The following AVL9 variants were observed in gnomAD, a reference collection of about 807,000 sequenced individuals.
AVL9 encodes late secretory pathway protein AVL9 homolog.
Under a neutral mutation model 79.2 loss-of-function variants are expected in AVL9, and 49 were observed. That is an observed-to-expected ratio of 0.62 (90% CI 0.49 to 0.79). The LOEUF (loss-of-function observed/expected upper bound fraction) is 0.79, where lower values mean the gene tolerates loss of function less well. Ranked by LOEUF, AVL9 falls within the 30% of genes least tolerant of loss-of-function variation. The pLI is 0.00. For missense variants in AVL9, 682 were observed against 776.8 expected (o/e 0.88, Z 1.45); for synonymous variants, 299 against 280.6 (o/e 1.07, Z -0.65).
intron 3 of AVL9, among the ~76,000 whole-genome samples, chr7:32,545,364 CTTTTTTTTTTTT>C (rs10610945): frequency 1.4e-5 from 1 of 73,352 alleles, no homozygotes; most frequent in Non-Finnish European, 2.4e-5. Context: ...TCTAAGATTT[CTTTTTTTTTTTT>C]TTTTTTTTTT....
chr7:32,551,643 A>G lies in AVL9; in HGVS notation c.462+220A>G, dbSNP rs189332520. Among the ~76,000 whole-genome samples, 249 of 117,352 alleles carry G rather than the reference A, an allele frequency of 2.1e-3. 1 individual carries two copies. The highest frequency in any genetic ancestry group is 7.0e-3 in the African/African-American group (240 of 34,140). 77.0% of individuals were successfully genotyped at this position (117,352 alleles called of 152,430 possible). ...TTTTTTTAGGAAATAATGACTACAA[A>G]TAACTATAACTAACAGTAATGTTTC... On this transcript the variant is annotated intron_variant, in intron 5 of 15. Transcript: ENST00000318709.
Position 32,587,628 on chromosome 7 carries a change from T to C in AVL9, c.*3721T>C, listed in dbSNP as rs911596532. The C allele has an allele frequency of 3.3e-5, 5 of 152,176 alleles. No individual in the cohort carries two copies. The highest frequency in any genetic ancestry group is 1.2e-4 in the African/African-American group (5 of 41,440). 9.4% of individuals were successfully genotyped at this position (152,176 alleles called of 1,614,324 possible). On this transcript the variant is annotated 3_prime_UTR_variant, in exon 16 of 16. Coordinates refer to ENST00000318709, the MANE Select transcript of AVL9 (RefSeq NM_015060.3). ...ACTCTTCATGGCATCAACACTTGCATGCTCTGAATCTTTGATCAGAGATGA... is the reference window on the plus strand; with the variant it reads ...ACTCTTCATGGCATCAACACTTGCACGCTCTGAATCTTTGATCAGAGATGA...
chr7:32,518,333 G>A (rs1233983388), intron 1 of AVL9, among the ~76,000 whole-genome samples: 1 of 152,040 alleles, frequency 6.6e-6, no homozygotes, highest in African/African-American at 2.4e-5. Flanking sequence ...ATAGGTAAAC[G>A]ATTAAAATAA....
rs1483354811 is a variant in AVL9, at chr7:32,579,619, T to TA, written c.1689-599dup. Among the ~76,000 whole-genome samples, 2 of 82,150 alleles carry TA rather than the reference T, an allele frequency of 2.4e-5. 1 individual carries two copies. The highest frequency in any genetic ancestry group is 1.0e-4 in the African/African-American group (2 of 19,824). The allele number at this position is 82,150 out of a possible 152,430, so 53.9% of individuals were successfully genotyped here. A position where few individuals can be genotyped will look rare whatever the true frequency, so the allele number is the denominator to read the frequency against. Reference sequence around the variant, plus strand: ...ATTATATATTATATTATATATTATATATATATAATACACTTTTTTCTTTTA... The same window carrying TA: ...ATTATATATTATATTATATATTATATAATATATAATACACTTTTTTCTTTTA... On this transcript the variant is annotated intron_variant, in intron 13 of 15. Coordinates refer to ENST00000318709, the MANE Select transcript of AVL9 (RefSeq NM_015060.3).
chr7:32,584,091 ATGGC>A lies in AVL9; in HGVS notation c.*186_*189del. The A allele has an allele frequency of 1.5e-6, 1 of 649,870 alleles. No individual in the cohort carries two copies. 40.3% of individuals were successfully genotyped at this position (649,870 alleles called of 1,614,324 possible). A position where few individuals can be genotyped will look rare whatever the true frequency, so the allele number is the denominator to read the frequency against. ...TGATGAAATCACAGCCATAGCAGGG[ATGGC>A]TTTCCAGGTTGGGGTTTCAATTGAC... On this transcript the variant is annotated 3_prime_UTR_variant, in exon 16 of 16. Transcript: ENST00000318709.
intron 7 of AVL9, 36 bp from the exon 8 acceptor site, chr7:32,554,522 C>G (rs1435136435): frequency 5.4e-5 from 75 of 1,380,340 alleles, no homozygotes; most frequent in Non-Finnish European, 7.1e-5. Context: ...GCGTGAGTCT[C>G]TCATTTCAAT....
At chr7:32,509,179 C>G (rs1787542191) in intron 1 of AVL9, among the ~76,000 whole-genome samples, 1 of 152,162 alleles carries the variant, frequency 6.6e-6, no homozygotes, top group Non-Finnish European at 1.5e-5. Context: ...CAACCCTCAG[C>G]TTTGATGAGA....
chr7:32,506,217 A>T (rs1787407326), intron 1 of AVL9, among the ~76,000 whole-genome samples: 1 of 152,162 alleles, frequency 6.6e-6, no homozygotes, highest in Admixed American at 6.5e-5. Flanking sequence ...CTTTTTAAAC[A>T]AATTTTTTTA....
chr7:32,526,087 C>A (rs1788388665), intron 1 of AVL9, among the ~76,000 whole-genome samples: 1 of 152,150 alleles, frequency 6.6e-6, no homozygotes, highest in Admixed American at 6.5e-5. Context: ...CAGGCTTCTC[C>A]CCTCTGCAAA....
intron 10 of AVL9, among the ~76,000 whole-genome samples, chr7:32,568,249 G>A (rs751437860): frequency 6.7e-6 from 1 of 149,982 alleles, no homozygotes; most frequent in East Asian, 2.0e-4. Context: ...CGCCCAGGCT[G>A]GAGTACGATG....
chr7:32,566,653 C>T (rs1790588957), intron 10 of AVL9, among the ~76,000 whole-genome samples: 1 of 151,912 alleles, frequency 6.6e-6, no homozygotes, highest in Non-Finnish European at 1.5e-5. Context: ...CCGAGGCGGG[C>T]AGATCACGAG....
chr7:32,544,850 T>C, intron 3 of AVL9, 71 bp downstream of exon 3: 1 of 1,097,102 alleles, frequency 9.1e-7, no homozygotes, highest in Non-Finnish European at 1.3e-6. Flanking sequence ...ACACAGTCTT[T>C]ATTTTTCAGT....
chr7:32,558,871 T>G, intron 9 of AVL9, 58 bp from the exon 10 acceptor site: 1 of 1,419,736 alleles, frequency 7.0e-7, no homozygotes, highest in Non-Finnish European at 9.5e-7. Context: ...AATATATAGC[T>G]CTCAGGTTCT....
intron 1 of AVL9, among the ~76,000 whole-genome samples, chr7:32,504,312 A>G (rs1471697882): frequency 2.0e-5 from 3 of 152,124 alleles, no homozygotes; most frequent in East Asian, 1.9e-4. Flanking sequence ...ACATCTTTGT[A>G]TATATTTTCA....
rs1322729167 is a variant in AVL9, at chr7:32,584,389, GTGA to G, written c.*487_*489del. On this transcript the variant is annotated 3_prime_UTR_variant, in exon 16 of 16. Coordinates refer to ENST00000318709, the MANE Select transcript of AVL9 (RefSeq NM_015060.3). ...GGCCTTCATTATTTTGCTGAATTAT[GTGA>G]TGATTTTTTTGCTTTCTACCCACAA... is the stretch of plus-strand genomic sequence containing the variant. The G allele has an allele frequency of 5.2e-5, 8 of 153,744 alleles. No homozygotes were observed. The highest frequency in any genetic ancestry group is 1.9e-4 in the African/African-American group (8 of 41,526). 9.5% of individuals were successfully genotyped at this position (153,744 alleles called of 1,614,324 possible). A position where few individuals can be genotyped will look rare whatever the true frequency, so the allele number is the denominator to read the frequency against.
At chr7:32,557,027 CTAAA>C (rs1562786531) in intron 8 of AVL9, among the ~76,000 whole-genome samples, 1 of 152,024 alleles carries the variant, frequency 6.6e-6, no homozygotes, top group East Asian at 1.9e-4. Context: ...TACTTCACTC[CTAAA>C]TAAATACTTC....
intron 7 of AVL9, 68 bp from the exon 8 acceptor site, chr7:32,554,490 G>T: frequency 2.1e-6 from 2 of 959,972 alleles, no homozygotes; most frequent in Non-Finnish European, 3.1e-6. Context: ...TATGTTTTAG[G>T]AGGGGAAAAG....
chr7:32,579,362 C>A (rs1791260410), intron 13 of AVL9, among the ~76,000 whole-genome samples: 1 of 58,378 alleles, frequency 1.7e-5, no homozygotes, highest in Non-Finnish European at 3.1e-5. Context: ...TAATATATAA[C>A]ATATATAATA....
chr7:32,501,242 T>G (rs1787115664), intron 1 of AVL9, among the ~76,000 whole-genome samples: 1 of 152,214 alleles, frequency 6.6e-6, no homozygotes, highest in Non-Finnish European at 1.5e-5. Flanking sequence ...ACAAGCCTTT[T>G]TTGGCAACTG....
Sources: gnomAD v4.1 joint callset for allele counts (sites outside exome capture counted in the v4.1 genomes callset) on GRCh38, gnomAD v4.1.1 for gene constraint, MANE v1.5 for transcripts, NCBI Gene and HGNC (gene_info 2026-07-23, HGNC 2026-07-21) for gene names.